The following DYNC2I1 variants were observed in gnomAD, a reference collection of about 807,000 sequenced individuals.
DYNC2I1 encodes dynein 2 intermediate chain 1.
DYNC2I1 carries 89 observed loss-of-function variants against 133.4 expected under a neutral mutation model. The ratio of observed to expected loss-of-function variants is 0.67; its 90% CI spans 0.56 to 0.80. The LOEUF (loss-of-function observed/expected upper bound fraction) is 0.80. DYNC2I1 is among the 30% of genes least tolerant of loss of function. DYNC2I1 has a pLI of 0.00. For synonymous variants in DYNC2I1, 504 were observed against 484.3 expected (o/e 1.04, Z -0.54); for missense variants, 1,291 against 1,314.5 (o/e 0.98, Z 0.28).
At chr7:158,910,330 T>C (rs987072257) in intron 11 of DYNC2I1, among the ~76,000 whole-genome samples, 1 of 149,898 alleles carries the variant, frequency 6.7e-6, no homozygotes, top group Non-Finnish European at 1.5e-5. Context: ...GTGTCAGGTC[T>C]GTGGGTGGAG....
chr7:158,854,647 T>TA (rs1163298358), upstream of DYNC2I1, among the ~76,000 whole-genome samples: 2 of 151,840 alleles, frequency 1.3e-5, no homozygotes, highest in Admixed American at 6.6e-5. Flanking sequence ...ATAATAATAA[T>TA]AAAAAAAGAG....
intron 7 of DYNC2I1, among the ~76,000 whole-genome samples, chr7:158,890,599 C>T (rs1845108995): frequency 1.4e-5 from 2 of 147,276 alleles, no homozygotes. Context: ...GTAGTGACTT[C>T]TTTTTTTTTT....
At chr7:158,953,685 G>T (rs1852118730) in intron 4 of DYNC2I1, among the ~76,000 whole-genome samples, 1 of 152,122 alleles carries the variant, frequency 6.6e-6, no homozygotes, top group Non-Finnish European at 1.5e-5. Flanking sequence ...GAGAGGTTGA[G>T]GCTGCAGAAA....
At chr7:158,949,207 T>C (rs967992931), downstream of DYNC2I1, among the ~76,000 whole-genome samples, 3 of 152,286 alleles carry the variant, frequency 2.0e-5, no homozygotes, top group Non-Finnish European at 4.4e-5. Context: ...TGCCAAAATG[T>C]AATTTCGCCA....
downstream of DYNC2I1, among the ~76,000 whole-genome samples, chr7:158,947,489 T>C (rs1332588357): frequency 6.6e-6 from 1 of 152,238 alleles, no homozygotes; most frequent in Admixed American, 6.5e-5. Flanking sequence ...CAGTTCACAG[T>C]TCGTTCTCTG....
chr7:158,865,224 A>G (rs972459840), intron 1 of DYNC2I1, among the ~76,000 whole-genome samples: 6 of 152,244 alleles, frequency 3.9e-5, no homozygotes, highest in Middle Eastern at 3.2e-3. Flanking sequence ...ATTTCAGCCC[A>G]GGTTTACTTC....
intron 23 of DYNC2I1, among the ~76,000 whole-genome samples, chr7:158,937,946 C>T (rs1850934986): frequency 6.6e-6 from 1 of 151,924 alleles, no homozygotes; most frequent in Non-Finnish European, 1.5e-5. Flanking sequence ...GAAAAAAGAA[C>T]AAAAAGGAAT....
At chr7:158,906,507 G>A (rs1395923279) in intron 11 of DYNC2I1, among the ~76,000 whole-genome samples, 1 of 152,110 alleles carries the variant, frequency 6.6e-6, no homozygotes, top group Non-Finnish European at 1.5e-5. Flanking sequence ...TGCCCAGGCT[G>A]GAGTGCAATG....
chr7:158,855,309 C>A (rs1770096731), upstream of DYNC2I1, among the ~76,000 whole-genome samples: 1 of 152,048 alleles, frequency 6.6e-6, no homozygotes, highest in South Asian at 2.1e-4. Context: ...TCTTCTTGCC[C>A]TTATCAGTTC....
chr7:158,885,364 C>G (rs1195799467), intron 6 of DYNC2I1, among the ~76,000 whole-genome samples: 6 of 146,554 alleles, frequency 4.1e-5, no homozygotes, highest in African/African-American at 1.5e-4. Flanking sequence ...TTTTTTGAGA[C>G]AGAGTCTCAC....
intron 20 of DYNC2I1, among the ~76,000 whole-genome samples, chr7:158,928,773 A>C (rs1849883955): frequency 9.0e-6 from 1 of 111,684 alleles, no homozygotes; most frequent in Non-Finnish European, 2.1e-5. Context: ...GGCGAGACCC[A>C]CATAGTCAGT....
rs1585226415 is a variant in DYNC2I1 at position 158,934,609 on chromosome 7, C to CT, written c.2778+62dup. On this transcript the variant is annotated intron_variant, in intron 23 of 24. Coordinates refer to ENST00000407559, the MANE Select transcript of DYNC2I1 (RefSeq NM_018051.5). ...CTTTTTTTGTTTTTTGAGACAGGGT[C>CT]TTGCTCTGTCACCCAAGCTGGAGTG... 24 of 1,507,660 alleles carry CT rather than the reference C, an allele frequency of 1.6e-5. No homozygotes were observed. The East Asian group carries it at 6.0e-4, about 37-fold the overall frequency. 93.4% of individuals were successfully genotyped at this position (1,507,660 alleles called of 1,614,324 possible).
intron 1 of DYNC2I1, among the ~76,000 whole-genome samples, chr7:158,862,296 G>A (rs927117051): frequency 6.6e-6 from 1 of 151,992 alleles, no homozygotes; most frequent in Non-Finnish European, 1.5e-5. Flanking sequence ...AAGAGAAAAG[G>A]ACGAATCAGG....
intron 3 of DYNC2I1, among the ~76,000 whole-genome samples, chr7:158,874,275 T>C (rs1843152827): frequency 6.6e-6 from 1 of 151,638 alleles, no homozygotes; most frequent in Non-Finnish European, 1.5e-5. Context: ...TGGTGTGATC[T>C]TGGCTCACTG....
At chr7:158,868,418 G>A (rs1244329129) in intron 1 of DYNC2I1, among the ~76,000 whole-genome samples, 1 of 152,244 alleles carries the variant, frequency 6.6e-6, no homozygotes, top group Non-Finnish European at 1.5e-5. Flanking sequence ...GGCTTAGCTG[G>A]AGAGATGTCA....
chr7:158,947,343 G>T (rs974310300), downstream of DYNC2I1, among the ~76,000 whole-genome samples: 1 of 152,210 alleles, frequency 6.6e-6, no homozygotes, highest in Non-Finnish European at 1.5e-5. Flanking sequence ...TTGATGATTG[G>T]TCTAGAAGTT....
chr7:158,902,329 AAGTC>A lies in DYNC2I1; in HGVS notation c.1138-43_1138-40del, dbSNP rs745417311. ...TTTGTTCAGTATGAGGGATAATTGA[AAGTC>A]AGTTTGTCTTAAAGGGTTCCAAAAG... On this transcript the variant is annotated intron_variant, in intron 9 of 24. Coordinates refer to ENST00000407559, the MANE Select transcript of DYNC2I1 (RefSeq NM_018051.5). The A allele has an allele frequency of 5.9e-6, 9 of 1,528,868 alleles. No individual in the cohort carries two copies. The African/African-American group carries it at 1.1e-4, about 19-fold the overall frequency. 94.7% of individuals were successfully genotyped at this position (1,528,868 alleles called of 1,614,324 possible).
chr7:158,945,460 A>G lies in DYNC2I1; in HGVS notation c.3003-121A>G, dbSNP rs1851787949. 8.8e-7 allele frequency: 1 copy of G among 1,138,390 alleles called. No individual in the cohort carries two copies. Among genetic ancestry groups the G allele is most frequent in the Non-Finnish European group, 1.2e-6 (1 of 821,322 alleles). 70.5% of individuals were successfully genotyped at this position (1,138,390 alleles called of 1,614,324 possible). A position where few individuals can be genotyped will look rare whatever the true frequency, so the allele number is the denominator to read the frequency against. On this transcript the variant is annotated intron_variant, in intron 24 of 24. Coordinates refer to ENST00000407559, the MANE Select transcript of DYNC2I1 (RefSeq NM_018051.5). The surrounding 1 kb of genome is among the most constrained non-coding windows in gnomAD (Gnocchi z 4.1). ...TCTAGCTTTCATTTTGGCTATTGGT[A>G]TTTTTAGAATTTCTCATCCGTTTCA...
At chr7:158,864,539 C>A (rs145004224) in intron 1 of DYNC2I1, among the ~76,000 whole-genome samples, 3 of 152,096 alleles carry the variant, frequency 2.0e-5, no homozygotes, top group South Asian at 4.1e-4. Flanking sequence ...GATGGGGTTT[C>A]GCTGTGTTGC....
Sources: gnomAD v4.1 joint callset for allele counts (sites outside exome capture counted in the v4.1 genomes callset) on GRCh38, gnomAD v4.1.1 for gene constraint, Gnocchi (gnomAD v3.1) non-coding constraint, MANE v1.5 for transcripts, NCBI Gene and HGNC (gene_info 2026-07-23, HGNC 2026-07-21) for gene names.